CCDC28B: variants seen among roughly 807,000 people sequenced by gnomAD.
The protein encoded by CCDC28B is coiled-coil domain-containing protein 28B.
CCDC28B carries 17 observed loss-of-function variants against 18.7 expected under a neutral mutation model. The ratio of observed to expected loss-of-function variants is 0.91; its 90% confidence interval spans 0.62 to 1.36. The LOEUF is 1.36. Ranked by LOEUF, CCDC28B falls within the 40% of genes most tolerant of loss-of-function variation. The pLI is 0.00. For missense variants in CCDC28B, 213 were observed against 251.7 expected, an observed-to-expected ratio of 0.85 and a Z score of 1.04; for synonymous variants, 116 against 105.1, an observed-to-expected ratio of 1.10 and a Z score of -0.64.
In CCDC28B at chr1:32,201,264, G is replaced by C. The variant is rs576027787; in HGVS notation, c.-24+555G>C. ...AAGCCCAGCAGGGACTTTCCGACTGGGAAAAATGAAGCAGCTGAAAGCACA... is the reference window on the plus strand; with the variant it reads ...AAGCCCAGCAGGGACTTTCCGACTGCGAAAAATGAAGCAGCTGAAAGCACA... On this transcript the variant is annotated intron_variant, in intron 1 of 5. Coordinates refer to ENST00000373602, the MANE Select transcript of CCDC28B (RefSeq NM_024296.5). Among the ~76,000 whole-genome samples, 227 of 152,318 alleles carry C rather than the reference G, an allele frequency of 1.5e-3. 1 individual carries two copies. Among genetic ancestry groups the C allele is most frequent in the African/African-American group, 5.3e-3 (220 of 41,576 alleles).
In CCDC28B at chr1:32,201,895, G is replaced by A; in HGVS notation, c.-23-18G>A. On this transcript the variant is annotated intron_variant, in intron 1 of 5. Transcript: ENST00000373602. ...AACTTTGCCCCTGGCTATCTTTGTG[G>A]GGTTGCTTCCCTCCTAGGCCTGAGG... 1 of 1,538,778 alleles carries A rather than the reference G, an allele frequency of 6.5e-7. No homozygotes were observed.
chr1:32,198,734 C>A (rs1296519751), upstream of CCDC28B, among the ~76,000 whole-genome samples: 1 of 152,138 alleles, frequency 6.6e-6, no homozygotes, highest in Non-Finnish European at 1.5e-5. Context: ...AATGGTACAG[C>A]TGGGAAGCAG....
chr1:32,202,342 A>G (rs1040163714), intron 2 of CCDC28B: 4 of 672,582 alleles, frequency 5.9e-6, no homozygotes, highest in African/African-American at 1.8e-5. Context: ...GGAGTGAGCA[A>G]CTCTGCAAGA....
chr1:32,199,372 G>GA, upstream of CCDC28B, among the ~76,000 whole-genome samples: 1 of 152,230 alleles, frequency 6.6e-6, no homozygotes, highest in Middle Eastern at 3.4e-3. Context: ...AGGGTGTGGG[G>GA]GGGGTGCCGC....
Position 32,205,069 on chromosome 1 carries a change from A to G in CCDC28B, c.549-125A>G. 2 of 1,275,738 alleles carry G rather than the reference A, an allele frequency of 1.6e-6. No individual in the cohort carries two copies. The highest frequency in any genetic ancestry group is 2.9e-5 in the South Asian group (2 of 68,030). The allele number at this position is 1,275,738 out of a possible 1,614,324, so 79.0% of individuals were successfully genotyped here. A position where few individuals can be genotyped will look rare whatever the true frequency, so the allele number is the denominator to read the frequency against. On this transcript the variant is annotated intron_variant, in intron 5 of 5. Transcript: ENST00000373602. The surrounding 1 kb of genome is among the most constrained non-coding windows in gnomAD (Gnocchi z 5.6). ...CAGGCGGGGACTGCAACCTCAGTCC[A>G]CAGACGGCCCGAGACCCTCGTCCCC...
chr1:32,200,136 A>G (rs953017121), upstream of CCDC28B, among the ~76,000 whole-genome samples: 5 of 152,200 alleles, frequency 3.3e-5, no homozygotes, highest in African/African-American at 1.2e-4. Flanking sequence ...TTTTGCCCTC[A>G]AAAGACTGTT....
upstream of CCDC28B, among the ~76,000 whole-genome samples, chr1:32,199,370 G>A (rs183364513): frequency 8.0e-4 from 93 of 116,460 alleles, no homozygotes; most frequent in Non-Finnish European, 1.5e-3. Context: ...GGAGGGTGTG[G>A]GGGGGGTGCC....
In CCDC28B at chr1:32,202,115, A is replaced by T. The variant is rs770965958; in HGVS notation, c.164+16A>T. 5.6e-6 allele frequency: 9 copies of T among 1,611,458 alleles called. No homozygotes were observed. The South Asian group carries it at 7.7e-5, about 14-fold the overall frequency. ...AGTTCAAGAGGTGGGTACAGAAGGG[A>T]AGGAAAGGAGGAGGGACCCCAACTC... On this transcript the variant is annotated intron_variant, in intron 2 of 5. Coordinates refer to ENST00000373602, the MANE Select transcript of CCDC28B (RefSeq NM_024296.5).
intron 2 of CCDC28B, among the ~76,000 whole-genome samples, chr1:32,203,542 C>T (rs1430671141): frequency 1.3e-5 from 2 of 152,084 alleles, no homozygotes; most frequent in Non-Finnish European, 2.9e-5. Context: ...GTAGCTGTCT[C>T]TATATACGCT....
chr1:32,197,920 CCCT>C (rs1176322049), upstream of CCDC28B: 5 of 152,272 alleles, frequency 3.3e-5, no homozygotes, highest in African/African-American at 9.6e-5. This position sits in a 1 kb window ranked among gnomAD's most constrained non-coding sequence, Gnocchi z 4.6. Context: ...GGTTATTTAA[CCCT>C]CCTCCACCCC....
upstream of CCDC28B, among the ~76,000 whole-genome samples, chr1:32,198,633 C>T (rs1557512537): frequency 1.3e-5 from 2 of 152,168 alleles, no homozygotes; most frequent in East Asian, 3.8e-4. Context: ...GAGAGGAGGC[C>T]CCTGCCCCCT....
chr1:32,203,801 T>C (rs529593244), intron 2 of CCDC28B, 78 bp from the exon 3 acceptor site: 1,433 of 1,180,432 alleles, frequency 1.2e-3, no homozygotes, highest in Admixed American at 2.7e-3. Context: ...AACTGGTGCA[T>C]AGGCAGATGG....
In CCDC28B at chr1:32,204,026, T is replaced by C. The variant is rs1488401178; in HGVS notation, c.312T>C (p.Ser104=). ...TGAACCTGCTCAATGATTTCCACTC[T>C]GGCCGGCTGCAGGCCTTCGGTGAGT... ...GLLNLLNDFH[S]GRLQAFGKEC... Residue 104 remains serine, a synonymous_variant, in exon 3 of 6, where the codon TCT becomes TCC. Coordinates refer to ENST00000373602, the MANE Select transcript of CCDC28B (RefSeq NM_024296.5). 6.4e-7 allele frequency: 1 copy of C among 1,554,126 alleles called. No homozygotes were observed. The highest frequency in any genetic ancestry group is 8.7e-7 in the Non-Finnish European group (1 of 1,151,388).
intron 5 of CCDC28B, chr1:32,204,899 C>T: frequency 6.7e-7 from 1 of 1,485,306 alleles, no homozygotes; most frequent in Non-Finnish European, 9.0e-7. Context: ...GTCCTCCTAT[C>T]CTTTCAGCAT....
intron 2 of CCDC28B, 54 bp downstream of exon 2, chr1:32,202,153 T>TAG: frequency 6.2e-7 from 1 of 1,609,916 alleles, no homozygotes; most frequent in Non-Finnish European, 8.5e-7. Flanking sequence ...GGTTGCACTG[T>TAG]AGAGAGGAAG....
chr1:32,201,227 T>G (rs1022916348), intron 1 of CCDC28B, among the ~76,000 whole-genome samples: 16 of 152,194 alleles, frequency 1.1e-4, no homozygotes, highest in African/African-American at 3.6e-4. Context: ...CAGTCCACCC[T>G]GGCTGCAGCT....
chr1:32,204,108 G>A, intron 3 of CCDC28B, 63 bp downstream of exon 3: 1 of 1,593,396 alleles, frequency 6.3e-7, no homozygotes, highest in Non-Finnish European at 8.6e-7. Context: ...AGTCCATGGG[G>A]CATGGCTGGG....
rs1390042839 is a variant in CCDC28B at position 32,205,169 on chromosome 1, G to A, written c.549-25G>A. ...GGGTGGGAGGAAGGACTGGTCCAAA[G>A]CGCCACGATCCTTGACGGGCACAGC... On this transcript the variant is annotated intron_variant, in intron 5 of 5. Coordinates refer to ENST00000373602, the MANE Select transcript of CCDC28B (RefSeq NM_024296.5). This position sits in a 1 kb window ranked among gnomAD's most constrained non-coding sequence, Gnocchi z 5.6. 21 of 1,613,284 alleles carry A rather than the reference G, an allele frequency of 1.3e-5. No individual in the cohort carries two copies. The highest frequency in any genetic ancestry group is 1.8e-5 in the Non-Finnish European group (21 of 1,179,592).
upstream of CCDC28B, among the ~76,000 whole-genome samples, chr1:32,199,346 G>C (rs775875689): frequency 1.5e-4 from 22 of 151,486 alleles, no homozygotes; most frequent in Admixed American, 5.9e-4. Context: ...GTTATTTCTA[G>C]TCGCAGATCC....
Sources: gnomAD v4.1 joint callset for allele counts (sites outside exome capture counted in the v4.1 genomes callset) on GRCh38, gnomAD v4.1.1 for gene constraint, Gnocchi (gnomAD v3.1) non-coding constraint, MANE v1.5 for transcripts, NCBI Gene and HGNC (gene_info 2026-07-23, HGNC 2026-07-21) for gene names.